The following CRY1 variants were observed in gnomAD, a reference collection of about 807,000 sequenced individuals.
CRY1 encodes the protein cryptochrome-1.
CRY1 carries 45 observed loss-of-function variants against 76.0 expected under a neutral mutation model. The ratio of observed to expected loss-of-function variants is 0.59; its 90% CI spans 0.47 to 0.76. The LOEUF (loss-of-function observed/expected upper bound fraction) is 0.76, where lower values mean the gene tolerates loss of function less well. Among genes scored for constraint, CRY1 ranks in the 30% least tolerant of loss-of-function variants. The pLI is 0.00. For synonymous variants in CRY1, 248 were observed against 244.0 expected (o/e 1.02, Z -0.15); for missense variants, 587 against 716.4 (o/e 0.82, Z 2.06).
intron 1 of CRY1, among the ~76,000 whole-genome samples, chr12:107,022,971 A>G (rs951774603): frequency 4.6e-5 from 7 of 152,198 alleles, no homozygotes; most frequent in African/African-American, 1.7e-4. Context: ...CAGTACCAGA[A>G]GACTGCTTAC....
chr12:107,009,399 CGTGGTG>C (rs1952413068), intron 2 of CRY1, among the ~76,000 whole-genome samples: 1 of 151,394 alleles, frequency 6.6e-6, no homozygotes, highest in Admixed American at 6.6e-5. Context: ...ATTAGCCAGA[CGTGGTG>C]GTGGGTGCCT....
In CRY1 at chr12:107,054,705, G is replaced by C. The variant is rs577838253; in HGVS notation, c.159-32513C>G. On this transcript the variant is annotated intron_variant, in intron 1 of 12. Transcript: ENST00000008527. ...GACTATAAACATACCAAAGAAAGCTGCCATAGCTATATTAATTATAAACAT... is the reference window on the plus strand; with the variant it reads ...GACTATAAACATACCAAAGAAAGCTCCCATAGCTATATTAATTATAAACAT... 3.4e-5 allele frequency among the ~76,000 whole-genome samples: 5 copies of C among 148,352 alleles called. No homozygotes were observed. In the South Asian group the frequency reaches 1.1e-3, roughly 31 times the overall value.
At chr12:107,073,258 C>T (rs565698400) in intron 1 of CRY1, among the ~76,000 whole-genome samples, 16 of 150,102 alleles carry the variant, frequency 1.1e-4, no homozygotes, top group African/African-American at 2.9e-4. Context: ...TTTTTTGAGA[C>T]GAAGTGTCAC....
chr12:107,070,112 C>T (rs1184832730), intron 1 of CRY1, among the ~76,000 whole-genome samples: 1 of 152,104 alleles, frequency 6.6e-6, no homozygotes, highest in Non-Finnish European at 1.5e-5. Flanking sequence ...AACCTATGTC[C>T]CAGCAATTCT....
chr12:107,026,847 C>A (rs1457629875), intron 1 of CRY1, among the ~76,000 whole-genome samples: 4 of 146,766 alleles, frequency 2.7e-5, no homozygotes, highest in Non-Finnish European at 5.9e-5. Flanking sequence ...CAAAAGAAAA[C>A]GTGAATTAGT....
At chr12:107,087,197 G>C (rs570696638) in intron 1 of CRY1, among the ~76,000 whole-genome samples, 2 of 152,234 alleles carry the variant, frequency 1.3e-5, no homozygotes, top group East Asian at 3.9e-4. Context: ...CCAAGCCATA[G>C]AGATGCAGCT....
At chr12:107,034,845 A>C (rs1039540120) in intron 1 of CRY1, among the ~76,000 whole-genome samples, 5 of 152,214 alleles carry the variant, frequency 3.3e-5, no homozygotes, top group African/African-American at 1.2e-4. Context: ...GTTTCAAAGG[A>C]TTAAAATCAC....
At chr12:107,075,469 G>C (rs1262247064) in intron 1 of CRY1, among the ~76,000 whole-genome samples, 1 of 152,088 alleles carries the variant, frequency 6.6e-6, no homozygotes, top group African/African-American at 2.4e-5. Context: ...AAGGAATTCT[G>C]TATTCAAGTT....
At chr12:107,036,976 T>C (rs1952740914) in intron 1 of CRY1, among the ~76,000 whole-genome samples, 1 of 152,108 alleles carries the variant, frequency 6.6e-6, no homozygotes, top group South Asian at 2.1e-4. Context: ...ATATAATTTA[T>C]TTATGTGTTA....
chr12:107,071,688 G>C (rs1027431759), intron 1 of CRY1, among the ~76,000 whole-genome samples: 1 of 151,864 alleles, frequency 6.6e-6, no homozygotes, highest in Non-Finnish European at 1.5e-5. Flanking sequence ...CTAGCAAGTC[G>C]AAGAAAGAAA....
chr12:107,027,140 C>G (rs1952625682), intron 1 of CRY1, among the ~76,000 whole-genome samples: 1 of 152,212 alleles, frequency 6.6e-6, no homozygotes, highest in Non-Finnish European at 1.5e-5. Context: ...TATACAAAAT[C>G]TAATGCTCAA....
intron 7 of CRY1, among the ~76,000 whole-genome samples, chr12:106,999,147 T>G (rs1952271509): frequency 6.6e-6 from 1 of 152,002 alleles, no homozygotes; most frequent in Non-Finnish European, 1.5e-5. Flanking sequence ...GAAGTATTAC[T>G]AAAAAGCTGA....
chr12:107,083,032 T>C (rs1229337706), intron 1 of CRY1, among the ~76,000 whole-genome samples: 1 of 151,934 alleles, frequency 6.6e-6, no homozygotes, highest in African/African-American at 2.4e-5. Context: ...CCCTCAGAAG[T>C]ACAAACTACT....
intron 10 of CRY1, among the ~76,000 whole-genome samples, chr12:106,995,815 C>G (rs758749586): frequency 5.9e-5 from 9 of 151,894 alleles, no homozygotes; most frequent in Non-Finnish European, 1.2e-4. Context: ...CTGCCCCTGC[C>G]CCCCCAACAG....
intron 1 of CRY1, among the ~76,000 whole-genome samples, chr12:107,025,809 T>C (rs1313788028): frequency 6.6e-6 from 1 of 151,890 alleles, no homozygotes; most frequent in Admixed American, 6.6e-5. Context: ...ACAAATCATT[T>C]TGCTTGGCTA....
At chr12:107,006,310 C>T (rs976583463) in intron 2 of CRY1, among the ~76,000 whole-genome samples, 48 of 151,634 alleles carry the variant, frequency 3.2e-4, no homozygotes, top group Non-Finnish European at 6.8e-4. Flanking sequence ...CACTTGAACC[C>T]GGGAGGTGGA....
At chr12:107,030,530 C>T (rs375064967) in intron 1 of CRY1, among the ~76,000 whole-genome samples, 5 of 152,130 alleles carry the variant, frequency 3.3e-5, no homozygotes, top group Admixed American at 6.5e-5. Flanking sequence ...GAGGAATAGG[C>T]GTGTGTATCA....
chr12:107,084,302 A>C (rs750328048), intron 1 of CRY1, among the ~76,000 whole-genome samples: 1 of 152,224 alleles, frequency 6.6e-6, no homozygotes, highest in Non-Finnish European at 1.5e-5. Context: ...GTTACCATTG[A>C]CTTTCTTCAC....
chr12:107,041,235 C>A (rs1247225984), intron 1 of CRY1, among the ~76,000 whole-genome samples: 1 of 152,092 alleles, frequency 6.6e-6, no homozygotes, highest in African/African-American at 2.4e-5. Context: ...TCCTTAGAAT[C>A]TCCACCATTT....
Sources: allele counts gnomAD v4.1 joint callset (sites outside exome capture counted in the v4.1 genomes callset), GRCh38; gene constraint gnomAD v4.1.1; transcripts MANE v1.5; gene names NCBI Gene and HGNC (gene_info 2026-07-23, HGNC 2026-07-21).